COL14A1: variants seen among roughly 807,000 people sequenced by gnomAD.
COL14A1 encodes the protein collagen alpha-1(XIV) chain.
In COL14A1, 136 loss-of-function variants were observed where a neutral mutation model predicts 230.3. That is an observed-to-expected ratio of 0.59 (90% CI 0.51 to 0.68). COL14A1 has a LOEUF of 0.68. COL14A1 is among the 30% of genes least tolerant of loss of function. The probability of loss-of-function intolerance (pLI) is 0.00; values close to 1 mark genes in which losing one functional copy is unlikely to be tolerated. For missense variants in COL14A1, 1,976 were observed against 2,215.8 expected, an observed-to-expected ratio of 0.89 and a Z score of 2.17; for synonymous variants, 792 against 784.1, an observed-to-expected ratio of 1.01 and a Z score of -0.17.
chr8:120,128,402 G>A (rs1391173748), intron 1 of COL14A1, among the ~76,000 whole-genome samples: 2 of 152,110 alleles, frequency 1.3e-5, no homozygotes, highest in African/African-American at 4.8e-5. Context: ...AGGATAAAAA[G>A]CACCTTGTAT....
chr8:120,359,649 C>A (rs1823120371), intron 45 of COL14A1, among the ~76,000 whole-genome samples: 1 of 152,130 alleles, frequency 6.6e-6, no homozygotes, highest in Non-Finnish European at 1.5e-5. Flanking sequence ...GAGGAATGAT[C>A]AAAATTTTGT....
At chr8:120,291,583 C>CA (rs1820379896) in intron 34 of COL14A1, among the ~76,000 whole-genome samples, 1 of 137,076 alleles carries the variant, frequency 7.3e-6, no homozygotes, top group African/African-American at 2.7e-5. Flanking sequence ...AAAAAAAAAC[C>CA]AAAAAACCAC....
rs753581434 is a variant in COL14A1, at chr8:120,147,909, T to A, written c.67T>A (p.Cys23Ser). 9.9e-6 allele frequency: 16 copies of A among 1,613,654 alleles called. No individual in the cohort carries two copies. The South Asian group carries it at 1.8e-4, about 18-fold the overall frequency. Residue 23 changes from cysteine (C) to serine (S), a missense_variant, in exon 2 of 48, where the codon TGC becomes AGC. Coordinates refer to ENST00000297848, the MANE Select transcript of COL14A1 (RefSeq NM_021110.4). ...ACCTTTTTTGGCAATTGTTTATTTC[T>A]GCACCATTGTCCAAGGTCAAGGTAA... ...LPPFLAIVYF[C>S]TIVQGQVAPP...
At chr8:120,254,792 C>G (rs1819085451) in intron 22 of COL14A1, among the ~76,000 whole-genome samples, 1 of 138,698 alleles carries the variant, frequency 7.2e-6, no homozygotes, top group Non-Finnish European at 1.5e-5. Flanking sequence ...TGAGACCAGC[C>G]TGAGCAACAT....
At chr8:120,301,581 C>T (rs1285556564) in intron 36 of COL14A1, among the ~76,000 whole-genome samples, 1 of 152,148 alleles carries the variant, frequency 6.6e-6, no homozygotes, top group East Asian at 1.9e-4. Context: ...ATATGTACCA[C>T]ATTTTCTTTA....
At chr8:120,127,629 G>T (rs1174045860) in intron 1 of COL14A1, among the ~76,000 whole-genome samples, 4 of 152,212 alleles carry the variant, frequency 2.6e-5, no homozygotes, top group African/African-American at 9.6e-5. Flanking sequence ...TCTAGGGAAA[G>T]CCCCTAGCTC....
Position 120,142,401 on chromosome 8 carries a change from T to C in COL14A1, c.-37-5405T>C, listed in dbSNP as rs546124139. On this transcript the variant is annotated intron_variant, in intron 1 of 47. Coordinates refer to ENST00000297848, the MANE Select transcript of COL14A1 (RefSeq NM_021110.4). ...CCACTAATCTTGTTTTACTTGACTT[T>C]GTAGGGTTAGGGTTATATGTATACC... is the stretch of plus-strand genomic sequence containing the variant. 2.2e-4 allele frequency among the ~76,000 whole-genome samples: 34 copies of C among 152,324 alleles called. 1 individual carries two copies. The highest frequency in any genetic ancestry group is 3.4e-3 in the Middle Eastern group (1 of 294).
At chr8:120,166,919 T>TGTGTGTGTGTGTG (rs1554600757) in intron 4 of COL14A1, among the ~76,000 whole-genome samples, 2 of 143,860 alleles carry the variant, frequency 1.4e-5, no homozygotes, top group African/African-American at 5.5e-5. Flanking sequence ...TGTGTGTGTG[T>TGTGTGTGTGTGTG]GTGGTGGTGA....
intron 28 of COL14A1, among the ~76,000 whole-genome samples, chr8:120,279,078 C>G (rs1210977647): frequency 6.7e-6 from 1 of 149,830 alleles, no homozygotes; most frequent in African/African-American, 2.5e-5. Context: ...CATGTTCTCA[C>G]TCATAAGTGG....
At chr8:120,263,900 C>T (rs547049014) in intron 24 of COL14A1, among the ~76,000 whole-genome samples, 2 of 152,082 alleles carry the variant, frequency 1.3e-5, no homozygotes, top group African/African-American at 2.4e-5. Flanking sequence ...TCTTCTTTTA[C>T]GTAATACAAA....
At position 120,280,736 on chromosome 8, in the gene COL14A1, C is replaced by A. The variant is rs751223420; in HGVS notation, c.3672C>A (p.Gly1224=). ...CCTGTCCAGTGGTACACAAGGATGG[C>A]ATTGATCTTGCAGGTATGCATTATC... ...SATCPVVHKD[G]IDLAGFKMME... Residue 1224 remains glycine (G), a synonymous_variant, in exon 30 of 48, where the codon GGC becomes GGA. Coordinates refer to ENST00000297848, the MANE Select transcript of COL14A1 (RefSeq NM_021110.4). 24 of 1,613,316 alleles carry A rather than the reference C, an allele frequency of 1.5e-5. No homozygotes were observed. Among genetic ancestry groups the A allele is most frequent in the Non-Finnish European group, 1.9e-5 (23 of 1,179,744 alleles).
intron 28 of COL14A1, 107 bp from the exon 29 acceptor site, chr8:120,279,828 G>A: frequency 8.3e-7 from 1 of 1,206,298 alleles, no homozygotes. Context: ...ACCCCCATGG[G>A]CCTTCCTAAA....
At chr8:120,342,547 C>T (rs1287624799) in intron 44 of COL14A1, 101 bp downstream of exon 44, 5 of 1,136,056 alleles carry the variant, frequency 4.4e-6, no homozygotes, top group Admixed American at 1.9e-5. Flanking sequence ...AACTCTAAAG[C>T]ATTGTCTTTG....
At chr8:120,283,193 G>A (rs565020898) in intron 31 of COL14A1, among the ~76,000 whole-genome samples, 55 of 152,204 alleles carry the variant, frequency 3.6e-4, no homozygotes, top group Non-Finnish European at 6.8e-4. Flanking sequence ...CAACACAGAT[G>A]GGAATGCAAT....
chr8:120,263,912 A>G (rs1586815344), intron 24 of COL14A1, among the ~76,000 whole-genome samples: 2 of 152,304 alleles, frequency 1.3e-5, no homozygotes, highest in East Asian at 1.9e-4. Flanking sequence ...TAATACAAAG[A>G]CTTTATTTCA....
At chr8:120,301,858 C>G (rs1318463836) in intron 36 of COL14A1, among the ~76,000 whole-genome samples, 1 of 152,120 alleles carries the variant, frequency 6.6e-6, no homozygotes, top group Non-Finnish European at 1.5e-5. Context: ...GTAACCTTGC[C>G]AGCATCAGTT....
intron 5 of COL14A1, among the ~76,000 whole-genome samples, chr8:120,187,418 G>A (rs1053211353): frequency 3.3e-5 from 5 of 152,110 alleles, no homozygotes; most frequent in Non-Finnish European, 5.9e-5. Context: ...TAATCACCGA[G>A]TGGTGTTAAG....
intron 42 of COL14A1, among the ~76,000 whole-genome samples, chr8:120,333,188 G>A (rs1331255810): frequency 1.3e-5 from 2 of 152,198 alleles, no homozygotes; most frequent in Admixed American, 6.5e-5. Flanking sequence ...TCACACATAA[G>A]TGAGAGGTGT....
At position 120,371,166 on chromosome 8, in the gene COL14A1, C is replaced by T. The variant is rs757806345; in HGVS notation, c.5326C>T (p.Gln1776Ter). The stretch of plus-strand genomic sequence containing the variant: ...TTCCTCTTTAGCTCCCCATCCAGAT[C>T]AGCCAGAGTTCACCCCTGTCCAAGA... ...AYGVRAPHPD[Q>*]PEFTPVQDEL... The change falls in exon 48 of 48, where the codon CAG becomes TAG. Residue 1776 changes from glutamine (Q) to a stop codon, truncating the protein, a stop_gained. Coordinates refer to ENST00000297848, the MANE Select transcript of COL14A1 (RefSeq NM_021110.4). LOFTEE classifies it high-confidence loss of function. The T allele has an allele frequency of 5.4e-5, 87 of 1,610,202 alleles. No individual in the cohort carries two copies. Among genetic ancestry groups the T allele is most frequent in the Non-Finnish European group, 7.0e-5 (82 of 1,178,376 alleles).
Sources: gnomAD v4.1 joint callset for allele counts (sites outside exome capture counted in the v4.1 genomes callset) on GRCh38, gnomAD v4.1.1 for gene constraint, MANE v1.5 for transcripts, NCBI Gene and HGNC (gene_info 2026-07-23, HGNC 2026-07-21) for gene names.